COL22A1: variants seen among roughly 807,000 people sequenced by gnomAD.
COL22A1 encodes collagen alpha-1(XXII) chain.
A neutral mutation model predicts 248.9 loss-of-function variants in COL22A1; 221 were observed. That is an observed-to-expected ratio of 0.89 (90% CI 0.80 to 0.99). The LOEUF is 0.99. Ranked by LOEUF, COL22A1 falls within the 50% of genes least tolerant of loss-of-function variation. The pLI is 0.00. For missense variants in COL22A1, 2,240 were observed against 2,179.0 expected, an observed-to-expected ratio of 1.03 and a Z score of -0.56; for synonymous variants, 891 against 793.4, an observed-to-expected ratio of 1.12 and a Z score of -2.07.
At chr8:138,621,063 C>T (rs1417430285) in intron 52 of COL22A1, among the ~76,000 whole-genome samples, 6 of 152,012 alleles carry the variant, frequency 3.9e-5, no homozygotes, top group African/African-American at 1.2e-4. Flanking sequence ...TCCATTTGTG[C>T]CCCTCCCATA....
intron 23 of COL22A1, among the ~76,000 whole-genome samples, chr8:138,726,494 T>G (rs1830320190): frequency 5.1e-5 from 3 of 58,804 alleles, no homozygotes; most frequent in South Asian, 4.5e-4. Flanking sequence ...ATATCCTGTA[T>G]CTACAAAAAA....
Position 138,695,857 on chromosome 8 carries a change from G to A in COL22A1, c.2593-978C>T, listed in dbSNP as rs114290887. 3.6e-3 allele frequency among the ~76,000 whole-genome samples: 542 copies of A among 152,072 alleles called. 2 individuals carry two copies. The highest frequency in any genetic ancestry group is 0.012 in the African/African-American group (493 of 41,538). On this transcript the variant is annotated intron_variant, in intron 32 of 64. Transcript: ENST00000303045. Reference sequence around the variant, plus strand: ...GACAGCTTTCCAAGGGCTCAAGGGCGTATCTTTCCACAGCTGAAGGGCCAC... The same window carrying A: ...GACAGCTTTCCAAGGGCTCAAGGGCATATCTTTCCACAGCTGAAGGGCCAC...
chr8:138,830,862 G>C (rs993172103), intron 5 of COL22A1, among the ~76,000 whole-genome samples: 2 of 152,168 alleles, frequency 1.3e-5, no homozygotes, highest in South Asian at 4.1e-4. Flanking sequence ...AGTGAAGGAG[G>C]AAACAGGGTG....
intron 3 of COL22A1, among the ~76,000 whole-genome samples, chr8:138,864,082 C>A (rs1822687654): frequency 6.6e-6 from 1 of 152,096 alleles, no homozygotes; most frequent in Non-Finnish European, 1.5e-5. Context: ...TTACTTCATC[C>A]CACAGAGGAA....
In COL22A1 at chr8:138,606,546, T is replaced by C. The variant is rs7842890; in HGVS notation, c.4033-94A>G. On this transcript the variant is annotated intron_variant, in intron 57 of 64. Coordinates refer to ENST00000303045, the MANE Select transcript of COL22A1 (RefSeq NM_152888.3). ...GTGACCACTCTGAAATCAAAAGGCC[T>C]GAGACATCCACACAACACACAAATC... The C allele has an allele frequency of 5.7e-3, 6,996 of 1,218,178 alleles. 292 individuals carry two copies. The African/African-American group carries it at 0.089, about 16-fold the overall frequency. 75.5% of individuals were successfully genotyped at this position (1,218,178 alleles called of 1,614,324 possible). A position where few individuals can be genotyped will look rare whatever the true frequency, so the allele number is the denominator to read the frequency against.
chr8:138,680,846 G>T (rs1160666891), intron 39 of COL22A1, among the ~76,000 whole-genome samples: 1 of 152,210 alleles, frequency 6.6e-6, no homozygotes, highest in Non-Finnish European at 1.5e-5. Context: ...ATCAACACTG[G>T]AATGGGTCAT....
chr8:138,793,625 T>C (rs1816252875), intron 12 of COL22A1, among the ~76,000 whole-genome samples: 2 of 152,152 alleles, frequency 1.3e-5, no homozygotes, highest in Admixed American at 6.5e-5. Flanking sequence ...GCTGCCTGTC[T>C]CTCCTGCCAA....
At chr8:138,810,482 G>C (rs912723514) in intron 9 of COL22A1, among the ~76,000 whole-genome samples, 1 of 152,228 alleles carries the variant, frequency 6.6e-6, no homozygotes, top group South Asian at 2.1e-4. Context: ...CTGCTGCTTG[G>C]CACTGTGTGC....
intron 46 of COL22A1, among the ~76,000 whole-genome samples, chr8:138,647,193 A>G (rs1207985489): frequency 1.3e-5 from 2 of 152,118 alleles, no homozygotes; most frequent in East Asian, 3.9e-4. Context: ...AGGCCCACCC[A>G]TGTGGTAAGG....
chr8:138,702,086 G>T (rs774619316), intron 31 of COL22A1, among the ~76,000 whole-genome samples: 1 of 152,092 alleles, frequency 6.6e-6, no homozygotes, highest in Non-Finnish European at 1.5e-5. Flanking sequence ...ATTTCTGCAG[G>T]ATAAATGCCT....
chr8:138,887,092 A>C (rs1363988629), intron 1 of COL22A1, among the ~76,000 whole-genome samples: 1 of 152,156 alleles, frequency 6.6e-6, no homozygotes, highest in East Asian at 1.9e-4. Flanking sequence ...AAAATGTACA[A>C]TTATTATTGA....
chr8:138,715,101 T>C lies in COL22A1; in HGVS notation c.2517+581A>G, dbSNP rs187822415. Among the ~76,000 whole-genome samples the C allele has an allele frequency of 2.8e-3, 429 of 152,334 alleles. 3 individuals carry two copies. Among genetic ancestry groups the C allele is most frequent in the African/African-American group, 1.0e-2 (414 of 41,576 alleles). ...CATGTCACAGGCACAAAAGGGTGGATGGACGGATGGATAGTGAGATGAAGG... is the reference window on the plus strand; with the variant it reads ...CATGTCACAGGCACAAAAGGGTGGACGGACGGATGGATAGTGAGATGAAGG... On this transcript the variant is annotated intron_variant, in intron 30 of 64. Transcript: ENST00000303045.
chr8:138,660,392 C>T (rs761705457), intron 44 of COL22A1, 44 bp downstream of exon 44: 10 of 1,563,676 alleles, frequency 6.4e-6, no homozygotes, highest in Non-Finnish European at 8.8e-6. Context: ...TGCTTACGCC[C>T]TGACTGATAG....
At chr8:138,703,214 T>A (rs867864083) in intron 31 of COL22A1, 92 bp downstream of exon 31, 7 of 1,200,792 alleles carry the variant, frequency 5.8e-6, no homozygotes, top group Admixed American at 3.4e-5. Flanking sequence ...AGGGGAGATA[T>A]TTAAAACTAA....
rs750445056 is a variant in COL22A1, at chr8:138,685,252, G to A, written c.2923C>T (p.Pro975Ser). Residue 975 changes from proline to serine, a missense_variant, in exon 38 of 65, where the codon CCT becomes TCT. By Grantham distance (74) the Pro-to-Ser change is moderately conservative. Transcript: ENST00000303045. ...PVGPRGDPGA[P>S]GLPGPPGKGK... is the part of the protein sequence containing the mutation. ...TTTCCGGGTGGCCCAGGGAGCCCAG[G>A]AGCACCAGGATCTCCCCTGGGACCA... 4 of 1,613,852 alleles carry A rather than the reference G, an allele frequency of 2.5e-6. No individual in the cohort carries two copies. The highest frequency in any genetic ancestry group is 2.2e-5 in the South Asian group (2 of 91,054).
intron 16 of COL22A1, among the ~76,000 whole-genome samples, chr8:138,771,852 C>T (rs11991022): frequency 1.1e-4 from 17 of 152,268 alleles, no homozygotes; most frequent in African/African-American, 3.9e-4. Context: ...CCGGGGCCTG[C>T]GGAGAGCTCT....
intron 4 of COL22A1, among the ~76,000 whole-genome samples, chr8:138,840,739 T>C (rs1248268983): frequency 6.6e-6 from 1 of 152,012 alleles, no homozygotes; most frequent in Non-Finnish European, 1.5e-5. Context: ...TATTTTTTGG[T>C]AGAGATGGGG....
At chr8:138,727,693 C>T (rs1004952689) in intron 23 of COL22A1, among the ~76,000 whole-genome samples, 3 of 152,146 alleles carry the variant, frequency 2.0e-5, no homozygotes, top group African/African-American at 7.2e-5. Context: ...TTGGGGGCAC[C>T]TGGACCTAGT....
In COL22A1 at chr8:138,780,996, G is replaced by C. The variant is rs1329494569; in HGVS notation, c.1597-16C>G. 1 of 1,579,718 alleles carries C rather than the reference G, an allele frequency of 6.3e-7. No homozygotes were observed. The highest frequency in any genetic ancestry group is 2.2e-5 in the East Asian group (1 of 44,714). On this transcript the variant is annotated splice_polypyrimidine_tract_variant and intron_variant, in intron 12 of 64. Coordinates refer to ENST00000303045, the MANE Select transcript of COL22A1 (RefSeq NM_152888.3). ...CCAGGGAACCCTAAAGCCAAAAAAAGAGAATAGCAATTAGTAAAGAATAAC... is the reference window on the plus strand; with the variant it reads ...CCAGGGAACCCTAAAGCCAAAAAAACAGAATAGCAATTAGTAAAGAATAAC...
Sources: allele counts gnomAD v4.1 joint callset (sites outside exome capture counted in the v4.1 genomes callset), GRCh38; gene constraint gnomAD v4.1.1; transcripts MANE v1.5; gene names NCBI Gene and HGNC (gene_info 2026-07-23, HGNC 2026-07-21).